Variants in KIFAP3 observed in about 807,000 individuals in gnomAD.
KIFAP3 encodes the protein kinesin associated protein 3, also known as kinesin-associated protein 3.
Under a neutral mutation model 106.5 loss-of-function variants are expected in KIFAP3, and 68 were observed. The observed-to-expected ratio is 0.64, with a 90% CI of 0.53 to 0.78. The LOEUF (loss-of-function observed/expected upper bound fraction) is 0.78, where lower values mean the gene tolerates loss of function less well. Among genes scored for constraint, KIFAP3 ranks in the 30% least tolerant of loss-of-function variants. The pLI, the probability that KIFAP3 is intolerant of heterozygous loss-of-function variation, is 0.00. For synonymous variants in KIFAP3, 320 were observed against 311.5 expected, an observed-to-expected ratio of 1.03 and a Z score of -0.29; for missense variants, 780 against 941.8, an observed-to-expected ratio of 0.83 and a Z score of 2.25.
At chr1:170,018,464 T>C (rs1411096876) in intron 9 of KIFAP3, among the ~76,000 whole-genome samples, 1 of 151,998 alleles carries the variant, frequency 6.6e-6, no homozygotes, top group Non-Finnish European at 1.5e-5. Context: ...ACTTTGGTTG[T>C]AAAAACATCT....
chr1:169,969,035 A>G (rs920961210), intron 17 of KIFAP3, among the ~76,000 whole-genome samples: 4 of 152,062 alleles, frequency 2.6e-5, no homozygotes, highest in African/African-American at 9.7e-5. Context: ...GGATTAAGAA[A>G]TAAAAATCAA....
rs1671848018 is a variant in KIFAP3, at chr1:170,074,530, G to A, written c.-63C>T. On this transcript the variant is annotated 5_prime_UTR_variant, in exon 1 of 20. Transcript: ENST00000361580. ...TTGAGAGGCAGGCGCGGTTATTTCC[G>A]GGGACGGTGGCCAAAGTACCCTCAC... is the stretch of plus-strand genomic sequence containing the variant. The A allele has an allele frequency of 3.1e-6, 5 of 1,609,886 alleles. No individual in the cohort carries two copies. The highest frequency in any genetic ancestry group is 1.7e-5 in the Admixed American group (1 of 59,558).
chr1:170,080,339 T>C (rs1672000477), intron 1 of KIFAP3, among the ~76,000 whole-genome samples: 1 of 152,118 alleles, frequency 6.6e-6, no homozygotes, highest in Admixed American at 6.6e-5. Flanking sequence ...ACATCAATTT[T>C]ACTCAAATTT....
chr1:169,991,461 A>G (rs1320980038), intron 11 of KIFAP3, among the ~76,000 whole-genome samples: 1 of 152,210 alleles, frequency 6.6e-6, no homozygotes, highest in Admixed American at 6.6e-5. Flanking sequence ...ATTCATGGAA[A>G]TGCAAATAAA....
intron 1 of KIFAP3, chr1:170,068,690 C>G (rs1291431968): frequency 6.6e-6 from 1 of 151,514 alleles, no homozygotes; most frequent in African/African-American, 2.4e-5. Context: ...CAAATTAGAC[C>G]AAAGACAAAC....
chr1:170,024,454 C>T lies in KIFAP3; in HGVS notation c.984G>A (p.Lys328=), dbSNP rs761538033. Residue 328 remains lysine, a synonymous_variant, in exon 9 of 20, where the codon AAG becomes AAA. Transcript: ENST00000361580. The part of the protein sequence containing the change: ...ELLILVVSFL[K]KLSIFMENKN... ...TATTCTCCATAAAAATGCTGAGTTT[C>T]TTCAAGAATGACACAACTAAAATTA... 1 of 1,594,804 alleles carries T rather than the reference C, an allele frequency of 6.3e-7. No individual in the cohort carries two copies. The highest frequency in any genetic ancestry group is 1.1e-5 in the South Asian group (1 of 87,164).
intron 15 of KIFAP3, among the ~76,000 whole-genome samples, chr1:169,978,897 T>G (rs936687666): frequency 6.6e-6 from 1 of 152,114 alleles, no homozygotes; most frequent in Non-Finnish European, 1.5e-5. Context: ...TTGTCCCAAA[T>G]GATCTCCCTC....
intron 1 of KIFAP3, among the ~76,000 whole-genome samples, chr1:170,056,183 AT>A (rs1292122122): frequency 1.3e-5 from 2 of 152,144 alleles, no homozygotes; most frequent in Admixed American, 1.3e-4. Context: ...AATTGTCTAT[AT>A]TACAATATAT....
chr1:170,066,859 C>A (rs1318957218), intron 1 of KIFAP3, among the ~76,000 whole-genome samples: 1 of 151,978 alleles, frequency 6.6e-6, no homozygotes, highest in Non-Finnish European at 1.5e-5. Context: ...TTAAGGTGAC[C>A]CTAAATTTTC....
intron 2 of KIFAP3, among the ~76,000 whole-genome samples, chr1:170,048,618 G>C (rs1411445719): frequency 6.6e-6 from 1 of 151,670 alleles, no homozygotes; most frequent in Non-Finnish European, 1.5e-5. Context: ...GGTGATTTCT[G>C]CACTTCCAAC....
intron 11 of KIFAP3, among the ~76,000 whole-genome samples, chr1:169,990,915 T>C (rs1667062678): frequency 6.6e-6 from 1 of 152,134 alleles, no homozygotes; most frequent in Non-Finnish European, 1.5e-5. Context: ...ATTAAAACTA[T>C]TAATATTAAC....
chr1:169,937,363 C>T (rs1333541817), intron 19 of KIFAP3, among the ~76,000 whole-genome samples: 4 of 151,698 alleles, frequency 2.6e-5, no homozygotes, highest in Non-Finnish European at 4.4e-5. Flanking sequence ...CCTGTCATCA[C>T]AGAAACTTTA....
chr1:170,040,862 C>T (rs1389774397), intron 3 of KIFAP3, among the ~76,000 whole-genome samples: 2 of 150,540 alleles, frequency 1.3e-5, no homozygotes, highest in East Asian at 3.9e-4. Flanking sequence ...GAGTCTCGCT[C>T]TGTGCCAGGA....
At chr1:169,986,565 CTGGATATATATT>C (rs1190547444) in intron 11 of KIFAP3, among the ~76,000 whole-genome samples, 2 of 151,800 alleles carry the variant, frequency 1.3e-5, no homozygotes, top group Non-Finnish European at 2.9e-5. Context: ...TCTTAATTTA[CTGGATATATATT>C]TAACAGATTT....
At chr1:170,077,103 G>A (rs562908170), upstream of KIFAP3, among the ~76,000 whole-genome samples, 58 of 152,252 alleles carry the variant, frequency 3.8e-4, no homozygotes, top group Non-Finnish European at 6.5e-4. Context: ...CTAGCTAAAG[G>A]ATTGTAAACG....
chr1:169,947,093 C>A (rs936968983), intron 19 of KIFAP3, among the ~76,000 whole-genome samples: 9 of 151,760 alleles, frequency 5.9e-5, no homozygotes, highest in African/African-American at 2.2e-4. Flanking sequence ...TGGTTTTACT[C>A]AAAAAATTTT....
intron 10 of KIFAP3, among the ~76,000 whole-genome samples, chr1:169,993,451 G>A (rs1667203716): frequency 6.6e-6 from 1 of 151,560 alleles, no homozygotes; most frequent in African/African-American, 2.4e-5. Context: ...GAACATGGAA[G>A]TTGTTCAGTA....
At chr1:169,993,010 C>G (rs1269003897) in intron 10 of KIFAP3, among the ~76,000 whole-genome samples, 1 of 151,732 alleles carries the variant, frequency 6.6e-6, no homozygotes. Flanking sequence ...AAACAATATC[C>G]TTTTTGAAAA....
chr1:169,959,648 A>G (rs1250123521), intron 18 of KIFAP3, among the ~76,000 whole-genome samples: 1 of 152,160 alleles, frequency 6.6e-6, no homozygotes, highest in Non-Finnish European at 1.5e-5. Context: ...TTAAAACAAC[A>G]ATGATGAATA....
Sources: allele counts gnomAD v4.1 joint callset (sites outside exome capture counted in the v4.1 genomes callset), GRCh38; gene constraint gnomAD v4.1.1; transcripts MANE v1.5; gene names NCBI Gene and HGNC (gene_info 2026-07-23, HGNC 2026-07-21).